CNTN5: variants seen among roughly 807,000 people sequenced by gnomAD.
The protein encoded by CNTN5 is contactin-5.
In CNTN5, 77 loss-of-function variants were observed where a neutral mutation model predicts 129.1. The ratio of observed to expected loss-of-function variants is 0.60; its 90% CI spans 0.50 to 0.72. CNTN5 has a LOEUF of 0.72. Among genes scored for constraint, CNTN5 ranks in the 30% least tolerant of loss-of-function variants. The pLI is 0.00. For missense variants in CNTN5, 1,478 were observed against 1,328.8 expected, an observed-to-expected ratio of 1.11 and a Z score of -1.75; for synonymous variants, 509 against 465.6, an observed-to-expected ratio of 1.09 and a Z score of -1.20.
At chr11:100,285,581 G>C (rs911303432) in intron 18 of CNTN5, among the ~76,000 whole-genome samples, 3 of 152,168 alleles carry the variant, frequency 2.0e-5, no homozygotes, top group African/African-American at 7.2e-5. Flanking sequence ...AAGGAGTAGA[G>C]GAAAAGAAGT....
At chr11:99,115,876 G>T (rs1858022718) in intron 1 of CNTN5, among the ~76,000 whole-genome samples, 1 of 152,148 alleles carries the variant, frequency 6.6e-6, no homozygotes, top group Admixed American at 6.6e-5. Flanking sequence ...TTCAGAAAAA[G>T]AAGTGAGTAA....
intron 3 of CNTN5, among the ~76,000 whole-genome samples, chr11:99,602,677 T>G (rs1305939300): frequency 6.6e-6 from 1 of 151,774 alleles, no homozygotes; most frequent in East Asian, 1.9e-4. Context: ...GTATCAAAAA[T>G]CACAGTGTTG....
intron 3 of CNTN5, 76 bp from the exon 4 acceptor site, chr11:99,819,468 A>G: frequency 7.5e-7 from 1 of 1,329,800 alleles, no homozygotes; most frequent in South Asian, 1.3e-5. Flanking sequence ...AATGTCTTCA[A>G]AGAAACAATC....
rs538348474 is a variant in CNTN5 at position 99,760,529 on chromosome 11, GAATAA to G, written c.56-59004_56-59000del. On this transcript the variant is annotated intron_variant, in intron 3 of 24. Coordinates refer to ENST00000524871, the MANE Select transcript of CNTN5 (RefSeq NM_014361.4). ...GTTATACATTCATGAAGCTGTTAAA[GAATAA>G]AATAAAATAATGCTATGTTTTTATT... 1.4e-3 allele frequency among the ~76,000 whole-genome samples: 211 copies of G among 152,142 alleles called. 1 individual carries two copies. The highest frequency in any genetic ancestry group is 5.0e-3 in the African/African-American group (206 of 41,536).
intron 18 of CNTN5, among the ~76,000 whole-genome samples, chr11:100,288,717 A>G (rs1473257521): frequency 6.6e-6 from 1 of 151,826 alleles, no homozygotes; most frequent in Non-Finnish European, 1.5e-5. Flanking sequence ...GCAAGAGCAA[A>G]CACATTCAAA....
chr11:99,914,387 G>A (rs565091435), intron 6 of CNTN5, among the ~76,000 whole-genome samples: 4 of 152,142 alleles, frequency 2.6e-5, no homozygotes, highest in Non-Finnish European at 4.4e-5. Flanking sequence ...CTAAGAATCA[G>A]TCCTTTTGAG....
chr11:99,370,483 G>A (rs778831331), intron 2 of CNTN5, among the ~76,000 whole-genome samples: 6 of 152,096 alleles, frequency 3.9e-5, no homozygotes, highest in African/African-American at 1.2e-4. Flanking sequence ...TATTGAACAC[G>A]TACCTTCAAA....
chr11:99,900,517 T>A (rs1330149357), intron 6 of CNTN5, among the ~76,000 whole-genome samples: 2 of 152,004 alleles, frequency 1.3e-5, no homozygotes, highest in Non-Finnish European at 1.5e-5. Context: ...CAGAGGTTTT[T>A]GTATGTTACA....
At chr11:99,922,524 A>G (rs1949965248) in intron 7 of CNTN5, among the ~76,000 whole-genome samples, 1 of 152,198 alleles carries the variant, frequency 6.6e-6, no homozygotes, top group South Asian at 2.1e-4. Context: ...CGTGCTAGAA[A>G]TCTTAGACCC....
At chr11:100,041,414 C>G (rs371734456) in intron 9 of CNTN5, among the ~76,000 whole-genome samples, 4 of 152,288 alleles carry the variant, frequency 2.6e-5, no homozygotes, top group African/African-American at 9.6e-5. Flanking sequence ...ACGACAAAGT[C>G]TAGAACATAG....
intron 3 of CNTN5, among the ~76,000 whole-genome samples, chr11:99,636,785 TGGG>T (rs1214997561): frequency 1.1e-5 from 1 of 90,998 alleles, no homozygotes; most frequent in African/African-American, 3.2e-5. Context: ...GAGGCCAAGG[TGGG>T]GGGATGGACG....
intron 2 of CNTN5, among the ~76,000 whole-genome samples, chr11:99,360,249 A>C (rs1002961367): frequency 1.3e-5 from 2 of 152,146 alleles, no homozygotes; most frequent in African/African-American, 4.8e-5. Context: ...GCTCTGACAC[A>C]TTAAAGTCAC....
At chr11:99,321,980 T>C (rs1442494887) in intron 1 of CNTN5, among the ~76,000 whole-genome samples, 1 of 152,196 alleles carries the variant, frequency 6.6e-6, no homozygotes, top group Non-Finnish European at 1.5e-5. Flanking sequence ...AGCCATTCTG[T>C]GCACTGGTTT....
chr11:99,626,469 A>C lies in CNTN5; in HGVS notation c.55+70200A>C, dbSNP rs140300637. On this transcript the variant is annotated intron_variant, in intron 3 of 24. Transcript: ENST00000524871. Reference sequence around the variant, plus strand: ...TGCAGCTGAAATGCCTCTTCTTTACATCTCTGTTTCTCCAAATCCTGCCTA... The same window carrying C: ...TGCAGCTGAAATGCCTCTTCTTTACCTCTCTGTTTCTCCAAATCCTGCCTA... Among the ~76,000 whole-genome samples, 3 of 152,162 alleles carry C rather than the reference A, an allele frequency of 2.0e-5. No individual in the cohort carries two copies. The East Asian group carries it at 5.8e-4, about 29-fold the overall frequency.
chr11:99,982,545 A>G (rs11222166), intron 8 of CNTN5, among the ~76,000 whole-genome samples: 26,238 of 152,200 alleles, frequency 0.17, 2,352 homozygotes, highest in Non-Finnish European at 0.17. Flanking sequence ...TTATGAAATC[A>G]CAGTTTGCTC....
intron 3 of CNTN5, among the ~76,000 whole-genome samples, chr11:99,731,722 A>C (rs10790939): frequency 0.14 from 21,778 of 152,140 alleles, 1,680 homozygotes; most frequent in Middle Eastern, 0.17. Flanking sequence ...CCTTCTTTCT[A>C]AGAAATATGT....
intron 13 of CNTN5, among the ~76,000 whole-genome samples, chr11:100,151,409 A>T (rs1947049651): frequency 6.6e-6 from 1 of 151,786 alleles, no homozygotes; most frequent in African/African-American, 2.4e-5. Flanking sequence ...GGGTAGGGGG[A>T]GACAGACAGT....
intron 1 of CNTN5, among the ~76,000 whole-genome samples, chr11:99,202,311 G>GGAAATT (rs1859249230): frequency 6.6e-6 from 1 of 152,078 alleles, no homozygotes; most frequent in Non-Finnish European, 1.5e-5. Context: ...AAATGGAAAT[G>GGAAATT]GAAATGACTT....
intron 2 of CNTN5, among the ~76,000 whole-genome samples, chr11:99,419,059 C>A (rs1433965191): frequency 6.6e-6 from 1 of 152,274 alleles, no homozygotes; most frequent in Middle Eastern, 3.4e-3. Flanking sequence ...CTACATAATA[C>A]AGTGCCTGCC....
Sources: allele counts gnomAD v4.1 joint callset (sites outside exome capture counted in the v4.1 genomes callset), GRCh38; gene constraint gnomAD v4.1.1; transcripts MANE v1.5; gene names NCBI Gene and HGNC (gene_info 2026-07-23, HGNC 2026-07-21).